SLC37A1: variants seen among roughly 807,000 people sequenced by gnomAD.
The protein encoded by SLC37A1 is glucose-6-phosphate exchanger SLC37A1.
A neutral mutation model predicts 75.3 loss-of-function variants in SLC37A1; 49 were observed. The observed-to-expected ratio is 0.65, with a 90% confidence interval of 0.52 to 0.83. The LOEUF (loss-of-function observed/expected upper bound fraction) is 0.83. Ranked by LOEUF, SLC37A1 falls within the 40% of genes least tolerant of loss-of-function variation. SLC37A1 has a pLI of 0.00. For synonymous variants in SLC37A1, 268 were observed against 292.1 expected (o/e 0.92, Z 0.84); for missense variants, 566 against 695.0 (o/e 0.81, Z 2.09).
intron 10 of SLC37A1, 117 bp from the exon 11 acceptor site, chr21:42,558,841 G>A (rs968751659): frequency 1.6e-6 from 2 of 1,287,244 alleles, no homozygotes; most frequent in Non-Finnish European, 2.2e-6. Flanking sequence ...ATGTCTCCAA[G>A]GCAGTGGAAG....
At chr21:42,522,753 G>A (rs2054684878) in intron 2 of SLC37A1, among the ~76,000 whole-genome samples, 2 of 152,232 alleles carry the variant, frequency 1.3e-5, no homozygotes, top group South Asian at 2.1e-4. Flanking sequence ...GCTTCTGTCA[G>A]CCTGGCTACA....
intron 17 of SLC37A1, among the ~76,000 whole-genome samples, chr21:42,572,305 G>A (rs1356165810): frequency 2.0e-5 from 3 of 152,090 alleles, no homozygotes; most frequent in African/African-American, 7.2e-5. Flanking sequence ...GGCACCTGGT[G>A]GCACCTTCAG....
At chr21:42,501,146 G>C (rs1323772694) in intron 1 of SLC37A1, among the ~76,000 whole-genome samples, 1 of 152,214 alleles carries the variant, frequency 6.6e-6, no homozygotes, top group African/African-American at 2.4e-5. Flanking sequence ...AACCAACACA[G>C]GTTTATCAAA....
At chr21:42,530,339 T>C (rs2054916121) in intron 3 of SLC37A1, among the ~76,000 whole-genome samples, 3 of 152,186 alleles carry the variant, frequency 2.0e-5, no homozygotes, top group African/African-American at 7.2e-5. Context: ...GTGTGTATAA[T>C]GCATTTCACG....
chr21:42,522,766 G>A (rs958640854), intron 2 of SLC37A1, among the ~76,000 whole-genome samples: 2 of 152,192 alleles, frequency 1.3e-5, no homozygotes, highest in African/African-American at 4.8e-5. Flanking sequence ...TGGCTACACC[G>A]TGGCAGTGAC....
At chr21:42,512,116 C>G (rs1426865890), upstream of SLC37A1, among the ~76,000 whole-genome samples, 1 of 149,146 alleles carries the variant, frequency 6.7e-6, no homozygotes, top group Non-Finnish European at 1.5e-5. Flanking sequence ...GATATACTAG[C>G]TTGACTGTGG....
At chr21:42,503,677 T>G (rs1247919482) in intron 2 of SLC37A1, among the ~76,000 whole-genome samples, 1 of 152,182 alleles carries the variant, frequency 6.6e-6, no homozygotes, top group Non-Finnish European at 1.5e-5. Context: ...CTCGTGGCGC[T>G]GGCATACCTG....
At chr21:42,538,614 C>T (rs552894122) in intron 5 of SLC37A1, among the ~76,000 whole-genome samples, 2 of 152,312 alleles carry the variant, frequency 1.3e-5, no homozygotes, top group Admixed American at 6.5e-5. Flanking sequence ...TGATACTCTA[C>T]AGCTTTTCTG....
At chr21:42,566,646 G>A (rs770958554) in intron 15 of SLC37A1, among the ~76,000 whole-genome samples, 68 of 152,108 alleles carry the variant, frequency 4.5e-4, no homozygotes, top group Admixed American at 5.2e-4. Context: ...GACCTGGTCC[G>A]GAGAGAGGGT....
chr21:42,565,762 T>C (rs2055960628), intron 14 of SLC37A1, 65 bp from the exon 15 acceptor site: 2 of 1,473,000 alleles, frequency 1.4e-6, no homozygotes, highest in Admixed American at 3.6e-5. Flanking sequence ...GAGAAGTAGA[T>C]TTCCAGCAAT....
chr21:42,537,122 G>C (rs1206016455), intron 5 of SLC37A1, among the ~76,000 whole-genome samples: 1 of 152,230 alleles, frequency 6.6e-6, no homozygotes, highest in Non-Finnish European at 1.5e-5. Context: ...TGGGTGGTTG[G>C]TGCCCAGGCA....
At chr21:42,509,572 G>GTTCTTCAGTTATAATTAT (rs2054416554), upstream of SLC37A1, 1 of 152,206 alleles carries the variant, frequency 6.6e-6, no homozygotes, top group South Asian at 2.1e-4. The surrounding 1 kb of genome is among the most constrained non-coding windows in gnomAD (Gnocchi z 4.2). Context: ...TGCTGGATTG[G>GTTCTTCAGTTATAATTAT]GTTATAGTTC....
chr21:42,519,280 A>G (rs976519311), intron 2 of SLC37A1, among the ~76,000 whole-genome samples: 3 of 152,204 alleles, frequency 2.0e-5, no homozygotes, highest in African/African-American at 7.2e-5. Flanking sequence ...CGTCCTTCAC[A>G]GGGGAAGGGG....
At position 42,568,340 on chromosome 21, in the gene SLC37A1, C is replaced by CT; in HGVS notation, c.1345-19dup. The stretch of plus-strand genomic sequence containing the variant: ...TCATGCTGTGGCGATAACTGCACGT[C>CT]TGTTTTTCCTCTCTTCTAGGGGACT... On this transcript the variant is annotated intron_variant, in intron 16 of 19. Transcript: ENST00000352133. The CT allele has an allele frequency of 2.5e-6, 4 of 1,606,994 alleles. No homozygotes were observed. The highest frequency in any genetic ancestry group is 3.4e-6 in the Non-Finnish European group (4 of 1,173,950).
intron 3 of SLC37A1, among the ~76,000 whole-genome samples, chr21:42,526,630 C>T (rs2054800907): frequency 1.3e-5 from 2 of 152,202 alleles, no homozygotes; most frequent in African/African-American, 4.8e-5. Flanking sequence ...TGGCTGCCCT[C>T]TGCAGCCCTG....
intron 2 of SLC37A1, among the ~76,000 whole-genome samples, chr21:42,525,531 A>G (rs1299418862): frequency 2.6e-5 from 4 of 152,262 alleles, no homozygotes; most frequent in Admixed American, 2.0e-4. Context: ...TGTGTTGTGC[A>G]TGAGGGTAGG....
At position 42,530,652 on chromosome 21, in the gene SLC37A1, A is replaced by ACCCC. The variant is rs905052485; in HGVS notation, c.139-4045_139-4044insCCCC. Among the ~76,000 whole-genome samples the ACCCC allele has an allele frequency of 4.7e-3, 118 of 25,056 alleles. 3 individuals carry two copies. The highest frequency in any genetic ancestry group is 5.6e-3 in the Admixed American group (10 of 1,778). The allele number at this position is 25,056 out of a possible 152,430, so 16.4% of individuals were successfully genotyped here. On this transcript the variant is annotated intron_variant, in intron 3 of 19. Transcript: ENST00000352133. ...CACACACACACACACACACACACAC[A>ACCCC]CACCCCCTCTGTGTTGGCTGAAGGT...
intron 2 of SLC37A1, among the ~76,000 whole-genome samples, chr21:42,524,011 C>G (rs993215562): frequency 5.9e-5 from 9 of 152,132 alleles, no homozygotes; most frequent in Non-Finnish European, 1.3e-4. Flanking sequence ...GGAAAGCTTC[C>G]CTCGGAGTAA....
intron 10 of SLC37A1, among the ~76,000 whole-genome samples, chr21:42,557,783 T>C (rs1328441199): frequency 1.9e-5 from 2 of 103,234 alleles, no homozygotes; most frequent in Non-Finnish European, 2.0e-5. Context: ...ATTACCATTT[T>C]CTTTTTTTTT....
Sources: gnomAD v4.1 joint callset for allele counts (sites outside exome capture counted in the v4.1 genomes callset) on GRCh38, gnomAD v4.1.1 for gene constraint, Gnocchi (gnomAD v3.1) non-coding constraint, MANE v1.5 for transcripts, NCBI Gene and HGNC (gene_info 2026-07-23, HGNC 2026-07-21) for gene names.